MEGF10: variants seen among roughly 807,000 people sequenced by gnomAD.
MEGF10 encodes the protein multiple epidermal growth factor-like domains protein 10.
MEGF10 carries 86 observed loss-of-function variants against 147.5 expected under a neutral mutation model. The observed-to-expected ratio is 0.58, with a 90% CI of 0.49 to 0.70. The LOEUF (loss-of-function observed/expected upper bound fraction) is 0.70, where lower values mean the gene tolerates loss of function less well. Among genes scored for constraint, MEGF10 ranks in the 30% least tolerant of loss-of-function variants. The pLI is 0.00. For synonymous variants in MEGF10, 478 were observed against 525.5 expected, an observed-to-expected ratio of 0.91 and a Z score of 1.24; for missense variants, 1,329 against 1,487.3, an observed-to-expected ratio of 0.89 and a Z score of 1.75.
At chr5:127,363,270 A>G (rs1296443626) in intron 4 of MEGF10, among the ~76,000 whole-genome samples, 1 of 152,238 alleles carries the variant, frequency 6.6e-6, no homozygotes, top group African/African-American at 2.4e-5. Context: ...ATCATGTTTT[A>G]CTGCAATAAA....
the MEGF10 span, among the ~76,000 whole-genome samples, chr5:127,260,856 A>T: frequency 6.6e-6 from 1 of 152,192 alleles, no homozygotes; most frequent in South Asian, 2.1e-4. Context: ...CTTTAGGAAG[A>T]TGCTACTGCT....
At chr5:127,391,941 A>T (rs1392696841) in intron 5 of MEGF10, among the ~76,000 whole-genome samples, 1 of 152,122 alleles carries the variant, frequency 6.6e-6, no homozygotes, top group Non-Finnish European at 1.5e-5. Flanking sequence ...AGGCTGGAGG[A>T]TCTGTTGAGG....
At chr5:127,343,396 C>T (rs1049662670) in intron 4 of MEGF10, among the ~76,000 whole-genome samples, 1 of 152,060 alleles carries the variant, frequency 6.6e-6, no homozygotes, top group Non-Finnish European at 1.5e-5. Flanking sequence ...CCACCCGCTC[C>T]TCCATGATAG....
intron 13 of MEGF10, among the ~76,000 whole-genome samples, chr5:127,429,230 A>G (rs1765312460): frequency 6.6e-6 from 1 of 152,194 alleles, no homozygotes; most frequent in Admixed American, 6.5e-5. Flanking sequence ...AAGATGTCAT[A>G]TAATTCCTTT....
intron 5 of MEGF10, among the ~76,000 whole-genome samples, chr5:127,392,966 G>C (rs982081222): frequency 1.3e-5 from 2 of 152,236 alleles, no homozygotes; most frequent in Non-Finnish European, 1.5e-5. Context: ...CCGGCGGTTA[G>C]TGCAGTTAGA....
Position 127,420,123 on chromosome 5 carries a change from C to A in MEGF10, c.1506C>A (p.Leu502=), listed in dbSNP as rs1307614128. ...GFGCNLTCQC[L]NGGACNTLDG... ...GCTGTAACTTAACATGCCAGTGCCTCAACGGGGGAGCCTGCAACACCCTGG... is the reference window on the plus strand; with the variant it reads ...GCTGTAACTTAACATGCCAGTGCCTAAACGGGGGAGCCTGCAACACCCTGG... The change falls in exon 12 of 25, where the codon CTC becomes CTA. Residue 502 remains leucine, a synonymous_variant. Coordinates refer to ENST00000503335, the MANE Select transcript of MEGF10 (RefSeq NM_001256545.2). The A allele has an allele frequency of 3.1e-6, 5 of 1,614,176 alleles. No homozygotes were observed. The highest frequency in any genetic ancestry group is 2.2e-5 in the East Asian group (1 of 44,876).
At chr5:127,327,624 T>C (rs1761088157) in intron 1 of MEGF10, among the ~76,000 whole-genome samples, 1 of 152,142 alleles carries the variant, frequency 6.6e-6, no homozygotes, top group African/African-American at 2.4e-5. Flanking sequence ...TCACTATGTT[T>C]ACTCACCAAA....
At chr5:127,394,782 G>C (rs1052415936) in intron 5 of MEGF10, among the ~76,000 whole-genome samples, 1 of 152,200 alleles carries the variant, frequency 6.6e-6, no homozygotes, top group African/African-American at 2.4e-5. Context: ...AAGATTGTGA[G>C]TTCTTAGGTA....
At chr5:127,287,855 G>A (rs1759077720), upstream of MEGF10, among the ~76,000 whole-genome samples, 1 of 152,008 alleles carries the variant, frequency 6.6e-6, no homozygotes. Context: ...CTATTATAAA[G>A]TTATAGCAAT....
chr5:127,344,549 A>G (rs901030627), intron 4 of MEGF10, among the ~76,000 whole-genome samples: 2 of 152,186 alleles, frequency 1.3e-5, no homozygotes, highest in Non-Finnish European at 2.9e-5. Context: ...ACCAAGGATT[A>G]TCCAACTCCT....
chr5:127,441,508 A>G (rs1765756106), intron 18 of MEGF10, among the ~76,000 whole-genome samples: 1 of 152,196 alleles, frequency 6.6e-6, no homozygotes, highest in Non-Finnish European at 1.5e-5. Flanking sequence ...CTAGCTATGC[A>G]TCCCCTCACA....
the MEGF10 span, among the ~76,000 whole-genome samples, chr5:127,263,910 G>T: frequency 6.6e-6 from 1 of 152,152 alleles, no homozygotes; most frequent in African/African-American, 2.4e-5. Context: ...CCTGCACAAT[G>T]TAATTCCCAT....
chr5:127,265,726 A>T, the MEGF10 span, among the ~76,000 whole-genome samples: 1 of 152,064 alleles, frequency 6.6e-6, no homozygotes, highest in African/African-American at 2.4e-5. Context: ...TTCTTTTGAG[A>T]AGTGTCTGTT....
chr5:127,305,371 A>T (rs1376840176), intron 1 of MEGF10, among the ~76,000 whole-genome samples: 1 of 152,044 alleles, frequency 6.6e-6, no homozygotes, highest in East Asian at 1.9e-4. Flanking sequence ...AGGGGGTGAA[A>T]GTGTGAGGGG....
chr5:127,287,719 C>G (rs1348641446), upstream of MEGF10, among the ~76,000 whole-genome samples: 3 of 151,638 alleles, frequency 2.0e-5, no homozygotes, highest in African/African-American at 7.3e-5. Flanking sequence ...CATTGACAAG[C>G]AAATTCTGAA....
chr5:127,357,308 C>T (rs1423118196), intron 4 of MEGF10, among the ~76,000 whole-genome samples: 2 of 152,056 alleles, frequency 1.3e-5, no homozygotes, highest in Non-Finnish European at 2.9e-5. Context: ...AACAGTTGTT[C>T]ACCAAAAGTA....
At chr5:127,244,032 A>C in the MEGF10 span, among the ~76,000 whole-genome samples, 1 of 151,952 alleles carries the variant, frequency 6.6e-6, no homozygotes, top group African/African-American at 2.4e-5. Context: ...CCCCGTCTCT[A>C]CTAAAAATAC....
chr5:127,286,207 T>C (rs1759023872), upstream of MEGF10, among the ~76,000 whole-genome samples: 1 of 152,034 alleles, frequency 6.6e-6, no homozygotes, highest in Admixed American at 6.5e-5. Context: ...AGTATAAATA[T>C]TCAGTTAGAT....
At chr5:127,385,120 G>A (rs902271868) in intron 5 of MEGF10, among the ~76,000 whole-genome samples, 2 of 152,086 alleles carry the variant, frequency 1.3e-5, no homozygotes, top group Non-Finnish European at 2.9e-5. Context: ...TGACTTATTT[G>A]TACTTTGCCC....
Sources: allele counts gnomAD v4.1 joint callset (sites outside exome capture counted in the v4.1 genomes callset), GRCh38; gene constraint gnomAD v4.1.1; transcripts MANE v1.5; gene names NCBI Gene and HGNC (gene_info 2026-07-23, HGNC 2026-07-21).